INO80: variants seen among roughly 807,000 people sequenced by gnomAD.
INO80 encodes the protein chromatin-remodeling ATPase INO80.
INO80 carries 20 observed loss-of-function variants against 203.4 expected under a neutral mutation model. That is an observed-to-expected ratio of 0.10 (90% confidence interval 0.07 to 0.14). The LOEUF (loss-of-function observed/expected upper bound fraction) is 0.14. Among genes scored for constraint, INO80 ranks in the 10% least tolerant of loss-of-function variants. INO80 has a pLI of 1.00. For synonymous variants in INO80, 726 were observed against 685.2 expected (o/e 1.06, Z -0.93); for missense variants, 1,419 against 1,914.4 (o/e 0.74, Z 4.83).
chr15:41,068,344 C>T (rs1054807106), intron 14 of INO80, among the ~76,000 whole-genome samples: 10 of 152,048 alleles, frequency 6.6e-5, no homozygotes, highest in Non-Finnish European at 4.4e-5. Flanking sequence ...CACCTGAGGT[C>T]GGGAGTTCGA....
rs1470756698 is a variant in INO80 at position 41,059,918 on chromosome 15, T to C, written c.1791A>G (p.Pro597=). Residue 597 remains proline (P), a synonymous_variant, in exon 15 of 36, where the codon CCA becomes CCG. Coordinates refer to ENST00000648947, the MANE Select transcript of INO80 (RefSeq NM_017553.3). ...TTCTATCATGAGGATTTCCCCAATATGGTAGCACCTAGAAAAAGGGCCAAT... is the reference window on the plus strand; with the variant it reads ...TTCTATCATGAGGATTTCCCCAATACGGTAGCACCTAGAAAAAGGGCCAAT... ...TRFVPKFKVL[P]YWGNPHDRKV... 8 of 1,608,430 alleles carry C rather than the reference T, an allele frequency of 5.0e-6. No homozygotes were observed. In the Middle Eastern group the frequency reaches 4.9e-4, roughly 99 times the overall value.
In INO80 at chr15:41,096,298, A is replaced by G; in HGVS notation, c.13T>C (p.Leu5=). ...CAGCCTCCATCATCCCTGGCACCCA[A>G]CTCCGAGGCCATAGAACAAATCTGT... is the stretch of plus-strand genomic sequence containing the variant. MASE[L]GARDDGGCTE... Residue 5 remains leucine (L), a synonymous_variant, in exon 2 of 36, where the codon TTG becomes CTG. Coordinates refer to ENST00000648947, the MANE Select transcript of INO80 (RefSeq NM_017553.3). The G allele has an allele frequency of 6.3e-7, 1 of 1,595,192 alleles. No individual in the cohort carries two copies. The highest frequency in any genetic ancestry group is 8.5e-7 in the Non-Finnish European group (1 of 1,174,922).
rs2045459158 is a variant in INO80 at position 41,079,823 on chromosome 15, G to A, written c.1009C>T (p.Arg337Cys). ...KNCKETLPRARRLTKEMLLYW... is the reference protein window; with the variant it reads ...KNCKETLPRACRLTKEMLLYW... ...AGAAGCATCTCCTTGGTGAGGCGGC[G>A]GGCACGAGGCAAGGTTTCCTTACAG... The change falls in exon 9 of 36, where the codon CGC becomes TGC. Residue 337 changes from arginine (R) to cysteine (C), a missense_variant. Arg to Cys is a radical substitution (Grantham distance 180, BLOSUM62 -3). Around this residue, in one of 9 missense-constraint regions of INO80, gnomAD observed 87 missense variants for 150.5 expected, o/e 0.58. Transcript: ENST00000648947. 2.5e-6 allele frequency: 4 copies of A among 1,613,894 alleles called. No individual in the cohort carries two copies. The highest frequency in any genetic ancestry group is 1.1e-5 in the South Asian group (1 of 91,076).
chr15:41,110,771 T>TGTC (rs149720192), intron 1 of INO80, among the ~76,000 whole-genome samples: 2,214 of 152,352 alleles, frequency 0.015, 27 homozygotes, highest in Non-Finnish European at 0.023. Flanking sequence ...AAGTAAATGA[T>TGTC]ATCACTGTTT....
At chr15:41,038,643 A>G (rs1339235784) in intron 24 of INO80, among the ~76,000 whole-genome samples, 6 of 152,138 alleles carry the variant, frequency 3.9e-5, no homozygotes, top group African/African-American at 1.4e-4. Context: ...GCCCATCCAT[A>G]TCCAAACTGA....
chr15:41,049,259 T>G, intron 21 of INO80, 28 bp downstream of exon 21: 8 of 1,588,754 alleles, frequency 5.0e-6, no homozygotes, highest in Non-Finnish European at 6.9e-6. Flanking sequence ...AAAACACTAA[T>G]AGTGAACAGA....
At chr15:41,051,795 A>G (rs1244349175) in intron 19 of INO80, among the ~76,000 whole-genome samples, 1 of 152,024 alleles carries the variant, frequency 6.6e-6, no homozygotes, top group Admixed American at 6.6e-5. Flanking sequence ...CATCTCTACT[A>G]AAAATACAAA....
chr15:41,035,969 AAAAAC>A (rs896014289), intron 24 of INO80, among the ~76,000 whole-genome samples: 17 of 150,852 alleles, frequency 1.1e-4, no homozygotes, highest in Non-Finnish European at 2.1e-4. Flanking sequence ...TCTCTGCTTT[AAAAAC>A]AAAACAAAAC....
chr15:41,084,266 T>C (rs1223183879), intron 7 of INO80, among the ~76,000 whole-genome samples: 1 of 149,936 alleles, frequency 6.7e-6, no homozygotes, highest in African/African-American at 2.5e-5. Flanking sequence ...TATATCAAAA[T>C]AACATGTTAT....
chr15:40,981,272 C>T (rs1352005157), intron 35 of INO80, among the ~76,000 whole-genome samples: 1 of 152,120 alleles, frequency 6.6e-6, no homozygotes, highest in Non-Finnish European at 1.5e-5. Flanking sequence ...GCTGCTCTAC[C>T]CCCTCTATCT....
intron 4 of INO80, among the ~76,000 whole-genome samples, chr15:41,094,464 C>T (rs2045691008): frequency 6.6e-6 from 1 of 152,120 alleles, no homozygotes; most frequent in Non-Finnish European, 1.5e-5. Context: ...TTTAAAGAAG[C>T]CATGTTTATT....
At chr15:41,048,699 A>G (rs975553321) in intron 21 of INO80, among the ~76,000 whole-genome samples, 1 of 152,226 alleles carries the variant, frequency 6.6e-6, no homozygotes, top group Non-Finnish European at 1.5e-5. Flanking sequence ...GAGTTTCTCT[A>G]TAAAACAGCT....
In INO80 at chr15:40,985,323, C is replaced by A; in HGVS notation, c.3921+15G>T. 13 of 1,605,954 alleles carry A rather than the reference C, an allele frequency of 8.1e-6. No homozygotes were observed. The highest frequency in any genetic ancestry group is 1.1e-5 in the Non-Finnish European group (13 of 1,172,694). On this transcript the variant is annotated intron_variant, in intron 32 of 35. Coordinates refer to ENST00000648947, the MANE Select transcript of INO80 (RefSeq NM_017553.3). ...GCCCCATTAGCCCCTATCCACCATT[C>A]CAGGCTGGAAATACCTTCTCTGCAT...
Position 41,045,904 on chromosome 15 carries a change from A to G in INO80, c.2736-829T>C, listed in dbSNP as rs199770204. Among the ~76,000 whole-genome samples the G allele has an allele frequency of 8.8e-3, 55 of 6,226 alleles. No individual in the cohort carries two copies. The Non-Finnish European group carries it at 0.3, about 34-fold the overall frequency. 4.1% of individuals were successfully genotyped at this position (6,226 alleles called of 152,430 possible). On this transcript the variant is annotated intron_variant, in intron 23 of 35. Coordinates refer to ENST00000648947, the MANE Select transcript of INO80 (RefSeq NM_017553.3). ...CGACCGAGTGAGACTTCATCTCGGG[A>G]AAAAAAAAAAATTCCTTCATATTAA...
chr15:41,017,086 A>C (rs2044221854), intron 26 of INO80: 1 of 152,158 alleles, frequency 6.6e-6, no homozygotes, highest in Admixed American at 6.5e-5. Flanking sequence ...AATTCAATAA[A>C]GAAAGCAGGG....
At chr15:41,007,463 G>T (rs922306038) in intron 27 of INO80, among the ~76,000 whole-genome samples, 1 of 152,034 alleles carries the variant, frequency 6.6e-6, no homozygotes, top group African/African-American at 2.4e-5. Flanking sequence ...GATTACAGGT[G>T]TGACCCACTG....
chr15:41,007,168 CTTTTTTTTTTTTTCTTTTTT>C (rs1340865266), intron 27 of INO80, among the ~76,000 whole-genome samples: 1 of 128,584 alleles, frequency 7.8e-6, no homozygotes, highest in African/African-American at 2.8e-5. Flanking sequence ...CACAGGCACT[CTTTTTTTTTTTTTCTTTTTT>C]TTTTTTTTTT....
At chr15:40,992,622 G>A (rs951404910) in intron 29 of INO80, among the ~76,000 whole-genome samples, 14 of 152,146 alleles carry the variant, frequency 9.2e-5, no homozygotes, top group African/African-American at 3.4e-4. Flanking sequence ...TAATCCTACT[G>A]TTTCTCTAGC....
rs187545699 is a variant in INO80 at position 41,081,708 on chromosome 15, T to C, written c.874-635A>G. ...AAACCTGACTCCCCATGATGTCTAT[T>C]TGACATGGAAGAAGATGCTGAAGAG... On this transcript the variant is annotated intron_variant, in intron 7 of 35. Transcript: ENST00000648947. Among the ~76,000 whole-genome samples the C allele has an allele frequency of 1.1e-4, 16 of 152,282 alleles. No individual in the cohort carries two copies. In the East Asian group the frequency reaches 3.1e-3, roughly 29 times the overall value.
Sources: gnomAD v4.1 joint callset for allele counts (sites outside exome capture counted in the v4.1 genomes callset) on GRCh38, gnomAD v4.1.1 for gene constraint, gnomAD v4.1.1 regional missense constraint, MANE v1.5 for transcripts, NCBI Gene and HGNC (gene_info 2026-07-23, HGNC 2026-07-21) for gene names.